SCML4: variants seen among roughly 807,000 people sequenced by gnomAD.
SCML4 encodes the protein Scm polycomb group protein like 4.
Under a neutral mutation model 41.1 loss-of-function variants are expected in SCML4, and 34 were observed. That is an observed-to-expected ratio of 0.83 (90% CI 0.63 to 1.10). The LOEUF (loss-of-function observed/expected upper bound fraction) is 1.10. Ranked by LOEUF, SCML4 falls within the 50% of genes least tolerant of loss-of-function variation. The pLI, the probability that SCML4 is intolerant of heterozygous loss-of-function variation, is 0.00. For missense variants in SCML4, 522 were observed against 534.1 expected (o/e 0.98, Z 0.22); for synonymous variants, 214 against 220.9 (o/e 0.97, Z 0.28).
intron 2 of SCML4, among the ~76,000 whole-genome samples, chr6:107,770,908 A>G (rs1391743352): frequency 6.6e-5 from 10 of 152,234 alleles, no homozygotes; most frequent in Admixed American, 6.5e-4. Flanking sequence ...GCCCTGCTCC[A>G]GCCCTCCAGA....
chr6:107,751,639 TTTCTTTC>T (rs1279738679), intron 2 of SCML4, among the ~76,000 whole-genome samples: 16 of 145,334 alleles, frequency 1.1e-4, no homozygotes, highest in African/African-American at 4.0e-4. Context: ...TCTTTCTTTC[TTTCTTTC>T]TTTTTTGAGA....
chr6:107,805,567 T>G (rs991731165), intron 1 of SCML4, among the ~76,000 whole-genome samples: 6 of 152,178 alleles, frequency 3.9e-5, no homozygotes, highest in Non-Finnish European at 8.8e-5. Flanking sequence ...CTGGCCTGAT[T>G]TTATGGGCCC....
At chr6:107,787,892 T>C (rs1782021571) in intron 1 of SCML4, among the ~76,000 whole-genome samples, 2 of 152,252 alleles carry the variant, frequency 1.3e-5, no homozygotes, top group Admixed American at 1.3e-4. Flanking sequence ...CTTCATATGA[T>C]ACTCTTTGGA....
rs552119529 is a variant in SCML4 at position 107,754,470 on chromosome 6, G to A, written c.157-4657C>T. Among the ~76,000 whole-genome samples, 5 of 152,254 alleles carry A rather than the reference G, an allele frequency of 3.3e-5. No individual in the cohort carries two copies. In the East Asian group the frequency reaches 9.7e-4, roughly 29 times the overall value. On this transcript the variant is annotated intron_variant, in intron 2 of 7. Coordinates refer to ENST00000369020, the MANE Select transcript of SCML4 (RefSeq NM_198081.5). ...CAAGGGTCCCCTAACTGCCTTTCTAGGAATGATATCCCACTTTCCATGTCT... is the reference window on the plus strand; with the variant it reads ...CAAGGGTCCCCTAACTGCCTTTCTAAGAATGATATCCCACTTTCCATGTCT...
intron 1 of SCML4, among the ~76,000 whole-genome samples, chr6:107,779,421 C>T (rs909665602): frequency 6.6e-6 from 1 of 152,098 alleles, no homozygotes; most frequent in Non-Finnish European, 1.5e-5. Context: ...AAGATAGAGG[C>T]ACAGGGCTGG....
At chr6:107,705,350 G>A (rs1394768409) in intron 7 of SCML4, 25 bp from the exon 8 acceptor site, 3 of 1,550,114 alleles carry the variant, frequency 1.9e-6, no homozygotes, top group South Asian at 2.4e-5. Context: ...TCAGAAGAAA[G>A]ATAAACCCAG....
chr6:107,829,172 G>T (rs1251731727), upstream of SCML4, among the ~76,000 whole-genome samples: 1 of 152,046 alleles, frequency 6.6e-6, no homozygotes, highest in Non-Finnish European at 1.5e-5. Flanking sequence ...TTGAGTCCAG[G>T]AGTTCAAGAC....
chr6:107,754,094 G>A (rs1029811219), intron 2 of SCML4, among the ~76,000 whole-genome samples: 1 of 152,218 alleles, frequency 6.6e-6, no homozygotes, highest in African/African-American at 2.4e-5. Flanking sequence ...GCACTGGGAT[G>A]TGCAGAAATG....
At chr6:107,714,994 A>C (rs999474564) in intron 6 of SCML4, among the ~76,000 whole-genome samples, 1 of 122,466 alleles carries the variant, frequency 8.2e-6, no homozygotes, top group African/African-American at 3.2e-5. Context: ...TTTTTTTTTG[A>C]GATGAAGTCC....
At chr6:107,741,007 A>G (rs569881394) in intron 5 of SCML4, among the ~76,000 whole-genome samples, 3 of 152,244 alleles carry the variant, frequency 2.0e-5, no homozygotes, top group African/African-American at 7.2e-5. Flanking sequence ...GCCCTTCTTT[A>G]TTGCTGCAGG....
chr6:107,771,178 T>G (rs994392004), intron 2 of SCML4, among the ~76,000 whole-genome samples: 1 of 152,214 alleles, frequency 6.6e-6, no homozygotes, highest in African/African-American at 2.4e-5. Flanking sequence ...TTGGAAGAAC[T>G]ATGGAGAACC....
At chr6:107,826,945 C>T (rs1331632395), upstream of SCML4, among the ~76,000 whole-genome samples, 1 of 152,010 alleles carries the variant, frequency 6.6e-6, no homozygotes, top group East Asian at 1.9e-4. Context: ...CGCCTGTAGT[C>T]CCAGCTACTT....
chr6:107,743,009 TAA>T (rs1167479938), intron 5 of SCML4, among the ~76,000 whole-genome samples: 4 of 152,084 alleles, frequency 2.6e-5, no homozygotes, highest in Non-Finnish European at 5.9e-5. Context: ...TCAAAACATA[TAA>T]ATAGAGGCAA....
chr6:107,822,465 G>A (rs538604153), intron 1 of SCML4, among the ~76,000 whole-genome samples: 4 of 146,772 alleles, frequency 2.7e-5, no homozygotes, highest in Admixed American at 6.7e-5. Flanking sequence ...TTGTTTTCTT[G>A]TCTTTCTATT....
chr6:107,717,355 A>C (rs1183652810), intron 6 of SCML4, among the ~76,000 whole-genome samples: 1 of 151,708 alleles, frequency 6.6e-6, no homozygotes, highest in African/African-American at 2.4e-5. Context: ...AAGGATGAAT[A>C]ATTTCATTTT....
At chr6:107,798,671 A>G (rs1439539090) in intron 1 of SCML4, among the ~76,000 whole-genome samples, 2 of 151,946 alleles carry the variant, frequency 1.3e-5, no homozygotes, top group African/African-American at 4.8e-5. Context: ...TAGCTTCTTA[A>G]GGTAGAAGCC....
intron 1 of SCML4, among the ~76,000 whole-genome samples, chr6:107,777,592 GCTA>G (rs1402561001): frequency 6.6e-6 from 1 of 152,078 alleles, no homozygotes; most frequent in African/African-American, 2.4e-5. Context: ...AACTTCAGTG[GCTA>G]CTATGTTAAC....
intron 1 of SCML4, among the ~76,000 whole-genome samples, chr6:107,810,748 C>G (rs1373325712): frequency 6.6e-6 from 1 of 152,108 alleles, no homozygotes; most frequent in Non-Finnish European, 1.5e-5. Flanking sequence ...TTGTTCCCCC[C>G]AACCCCAAAA....
At chr6:107,708,558 G>A (rs2463451) in intron 6 of SCML4, among the ~76,000 whole-genome samples, 2 of 151,704 alleles carry the variant, frequency 1.3e-5, no homozygotes, top group Non-Finnish European at 2.9e-5. Context: ...GAATGCAAGT[G>A]TGCCTCAGCA....
Sources: allele counts gnomAD v4.1 joint callset (sites outside exome capture counted in the v4.1 genomes callset), GRCh38; gene constraint gnomAD v4.1.1; transcripts MANE v1.5; gene names NCBI Gene and HGNC (gene_info 2026-07-23, HGNC 2026-07-21).